SYNRG: variants seen among roughly 807,000 people sequenced by gnomAD.
SYNRG encodes AP1 gamma subunit binding protein 1.
SYNRG carries 37 observed loss-of-function variants against 130.9 expected under a neutral mutation model. The observed-to-expected ratio is 0.28, with a 90% CI of 0.22 to 0.37. The LOEUF (loss-of-function observed/expected upper bound fraction) is 0.37. SYNRG is among the 10% of genes least tolerant of loss of function. The pLI, the probability that SYNRG is intolerant of heterozygous loss-of-function variation, is 1.00. For synonymous variants in SYNRG, 539 were observed against 568.1 expected (o/e 0.95, Z 0.73); for missense variants, 1,338 against 1,588.9 (o/e 0.84, Z 2.68).
chr17:37,580,296 CTTT>C (rs111270719), intron 6 of SYNRG, among the ~76,000 whole-genome samples: 9 of 138,334 alleles, frequency 6.5e-5, no homozygotes, highest in African/African-American at 8.2e-5. Flanking sequence ...TACAAAAGAA[CTTT>C]TTTTTTTTTT....
chr17:37,539,524 C>T (rs1365284154), intron 16 of SYNRG, among the ~76,000 whole-genome samples: 2 of 152,132 alleles, frequency 1.3e-5, no homozygotes, highest in Admixed American at 1.3e-4. Context: ...GCACGCACCA[C>T]CACATGAGGC....
At chr17:37,519,135 C>G in intron 21 of SYNRG, 64 bp from the exon 22 acceptor site, 6 of 1,583,272 alleles carry the variant, frequency 3.8e-6, no homozygotes, top group Non-Finnish European at 5.2e-6. Flanking sequence ...AGCTTTTCAG[C>G]AACCAACATG....
intron 7 of SYNRG, 168 bp from the exon 8 acceptor site, chr17:37,576,586 G>A: frequency 1.8e-6 from 1 of 542,440 alleles, no homozygotes. Context: ...TAAAATATTT[G>A]GTTTTTAAGC....
intron 3 of SYNRG, among the ~76,000 whole-genome samples, chr17:37,593,666 C>A (rs1033032794): frequency 6.6e-6 from 1 of 152,068 alleles, no homozygotes; most frequent in African/African-American, 2.4e-5. Flanking sequence ...AGGCAGATCA[C>A]CTGAGGTCAG....
intron 19 of SYNRG, among the ~76,000 whole-genome samples, chr17:37,524,772 C>A (rs1461454839): frequency 6.6e-6 from 1 of 152,166 alleles, no homozygotes; most frequent in Non-Finnish European, 1.5e-5. Context: ...GAAAAGTAGT[C>A]TATATGATGA....
chr17:37,597,791 A>G (rs1184172830), intron 2 of SYNRG, among the ~76,000 whole-genome samples: 1 of 152,248 alleles, frequency 6.6e-6, no homozygotes, highest in Non-Finnish European at 1.5e-5. Flanking sequence ...GGTACACAAG[A>G]AGTGAATAAA....
At chr17:37,580,574 G>A (rs1054866158) in intron 6 of SYNRG, among the ~76,000 whole-genome samples, 23 of 149,486 alleles carry the variant, frequency 1.5e-4, no homozygotes, top group Non-Finnish European at 2.2e-4. Context: ...TTGCTCTGTC[G>A]CCCAGACTTG....
intron 14 of SYNRG, among the ~76,000 whole-genome samples, chr17:37,543,554 G>A (rs2057978853): frequency 6.6e-6 from 1 of 152,302 alleles, no homozygotes; most frequent in South Asian, 2.1e-4. Context: ...AAAATGAGGA[G>A]AGGAGAAGAC....
At chr17:37,555,870 C>T (rs777499562) in intron 13 of SYNRG, among the ~76,000 whole-genome samples, 17 of 152,228 alleles carry the variant, frequency 1.1e-4, no homozygotes, top group Middle Eastern at 6.8e-3. Flanking sequence ...CCCACCGCTG[C>T]ACTCCAGCCT....
intron 21 of SYNRG, among the ~76,000 whole-genome samples, chr17:37,519,867 T>C (rs17624067): frequency 0.017 from 2,643 of 152,336 alleles, 39 homozygotes; most frequent in Middle Eastern, 0.031. Context: ...CTGAAGCTCT[T>C]TGATCTCCAT....
intron 19 of SYNRG, among the ~76,000 whole-genome samples, chr17:37,528,616 T>C (rs2056242682): frequency 6.6e-6 from 1 of 152,232 alleles, no homozygotes; most frequent in South Asian, 2.1e-4. Context: ...TTTCTAATAA[T>C]GATTTCTCCA....
At position 37,584,291 on chromosome 17, in the gene SYNRG, G is replaced by A. The variant is rs376371461; in HGVS notation, c.589+357C>T. ...ACATTAAGTAATGAAATCAGAGCTA[G>A]TTCATAAAAATTACTATAAAACAAT... On this transcript the variant is annotated intron_variant, in intron 6 of 21. Transcript: ENST00000612223. 26 of 174,420 alleles carry A rather than the reference G, an allele frequency of 1.5e-4. No homozygotes were observed. In the East Asian group the frequency reaches 3.4e-3, roughly 23 times the overall value. The allele number at this position is 174,420 out of a possible 1,614,324, so 10.8% of individuals were successfully genotyped here. A position where few individuals can be genotyped will look rare whatever the true frequency, so the allele number is the denominator to read the frequency against.
At chr17:37,592,542 G>C (rs946042587) in intron 3 of SYNRG, among the ~76,000 whole-genome samples, 2 of 152,026 alleles carry the variant, frequency 1.3e-5, no homozygotes, top group Non-Finnish European at 2.9e-5. Context: ...TGAGCAAAAG[G>C]TTAAACAAAC....
chr17:37,572,253 C>A (rs2146038416), intron 8 of SYNRG, among the ~76,000 whole-genome samples: 1 of 151,946 alleles, frequency 6.6e-6, no homozygotes, highest in South Asian at 2.1e-4. Context: ...ATAGTGAAAC[C>A]CCATCTCTAC....
intron 19 of SYNRG, among the ~76,000 whole-genome samples, chr17:37,534,463 G>T (rs2056996861): frequency 6.6e-6 from 1 of 152,016 alleles, no homozygotes. Flanking sequence ...GGGCTCAGGT[G>T]ATCCGCCCAC....
At chr17:37,541,029 C>T in intron 15 of SYNRG, 6 of 986,772 alleles carry the variant, frequency 6.1e-6, no homozygotes, top group South Asian at 4.7e-5. Flanking sequence ...ATCTTTTCTA[C>T]TGTTCTCTCT....
chr17:37,517,811 C>T lies in SYNRG; in HGVS notation c.*1129G>A, dbSNP rs960528526. 3.9e-5 allele frequency: 6 copies of T among 152,116 alleles called. 1 individual carries two copies. Among genetic ancestry groups the T allele is most frequent in the African/African-American group, 4.8e-5 (2 of 41,482 alleles). The allele number at this position is 152,116 out of a possible 1,614,324, so 9.4% of individuals were successfully genotyped here. A position where few individuals can be genotyped will look rare whatever the true frequency, so the allele number is the denominator to read the frequency against. On this transcript the variant is annotated 3_prime_UTR_variant, in exon 22 of 22. Coordinates refer to ENST00000612223, the MANE Select transcript of SYNRG (RefSeq NM_007247.6). Reference sequence around the variant, plus strand: ...GATTGGTAGTTCTTCCCAGGAATAACACAGCTCTTAGCCACTTGGGTTTTT... The same window carrying T: ...GATTGGTAGTTCTTCCCAGGAATAATACAGCTCTTAGCCACTTGGGTTTTT...
chr17:37,524,786 C>T (rs1285471531), intron 19 of SYNRG, among the ~76,000 whole-genome samples: 1 of 152,190 alleles, frequency 6.6e-6, no homozygotes, highest in Non-Finnish European at 1.5e-5. Context: ...ATGATGATCA[C>T]AATTATTCAC....
rs749798829 is a variant in SYNRG, at chr17:37,561,528, C to T, written c.1543G>A (p.Ala515Thr). 8.1e-6 allele frequency: 13 copies of T among 1,613,674 alleles called. No homozygotes were observed. The highest frequency in any genetic ancestry group is 1.3e-5 in the African/African-American group (1 of 74,910). Residue 515 changes from alanine to threonine, a missense_variant, in exon 12 of 22, where the codon GCT becomes ACT. Coordinates refer to ENST00000612223, the MANE Select transcript of SYNRG (RefSeq NM_007247.6). ...TCAGCTGCAATTCCTTTAAACACAG[C>T]ATATTTGTCCATTGAAGGCAATGCT... is the stretch of plus-strand genomic sequence containing the variant. ...TKALPSMDKY[A>T]VFKGIAADKS...
Sources: gnomAD v4.1 joint callset for allele counts (sites outside exome capture counted in the v4.1 genomes callset) on GRCh38, gnomAD v4.1.1 for gene constraint, MANE v1.5 for transcripts, NCBI Gene and HGNC (gene_info 2026-07-23, HGNC 2026-07-21) for gene names.